Variants in MED12 observed in about 807,000 individuals in gnomAD.
MED12 encodes mediator of RNA polymerase II transcription subunit 12.
A neutral mutation model predicts 177.7 loss-of-function variants in MED12; 10 were observed. That is an observed-to-expected ratio of 0.06 (90% CI 0.03 to 0.10). The LOEUF (loss-of-function observed/expected upper bound fraction) is 0.10. Ranked by LOEUF, MED12 falls within the 10% of genes least tolerant of loss-of-function variation. The probability of loss-of-function intolerance (pLI) is 1.00; values close to 1 mark genes in which losing one functional copy is unlikely to be tolerated. For synonymous variants in MED12, 641 were observed against 678.4 expected, an observed-to-expected ratio of 0.94 and a Z score of 0.86; for missense variants, 867 against 1,780.8, an observed-to-expected ratio of 0.49 and a Z score of 9.23.
At chrX:71,138,799 G>A (rs1304683298) in intron 41 of MED12, among the ~76,000 whole-genome samples, 2 of 110,724 alleles carry the variant, frequency 1.8e-5, no homozygotes, top group African/African-American at 6.6e-5. Flanking sequence ...AATATCTGGA[G>A]TTCATAGATG....
intron 12 of MED12, 72 bp from the exon 13 acceptor site, chrX:71,124,087 G>A: frequency 1.2e-6 from 1 of 851,462 alleles, no homozygotes; most frequent in Non-Finnish European, 1.8e-6. Flanking sequence ...ATTGCCTTAG[G>A]TGTGTCCCTC....
chrX:71,131,530 G>T lies in MED12; in HGVS notation c.4048-20G>T, dbSNP rs1207596143. On this transcript the variant is annotated intron_variant, in intron 28 of 44. Transcript: ENST00000374080. ...GGTAACACGATGATGACTAGCCTGGGTGTGGGGCCTCTATCACAGAACTTG... is the reference window on the plus strand; with the variant it reads ...GGTAACACGATGATGACTAGCCTGGTTGTGGGGCCTCTATCACAGAACTTG... 1 of 1,207,274 alleles carries T rather than the reference G, an allele frequency of 8.3e-7. No individual in the cohort carries two copies.
At chrX:71,139,031 G>A (rs745810888) in intron 41 of MED12, among the ~76,000 whole-genome samples, 2 of 111,487 alleles carry the variant, frequency 1.8e-5, no homozygotes, top group Non-Finnish European at 3.8e-5. Context: ...ACTGGGTGAG[G>A]TGAAGAAAGA....
chrX:71,137,103 C>G, intron 38 of MED12, 74 bp downstream of exon 38: 1 of 1,187,570 alleles, frequency 8.4e-7, no homozygotes, highest in Non-Finnish European at 1.1e-6. Context: ...GATGCCATTC[C>G]CCTGAGGAGC....
rs749078484 is a variant in MED12, at chrX:71,120,947, GC to G, written c.554-21del. Reference sequence around the variant, plus strand: ...CTAAGCAGAAGGATAGTATCAAATAGCCCTTTTTCCCTCTTTCCTCCAGAAT... The same window carrying G: ...CTAAGCAGAAGGATAGTATCAAATAGCCTTTTTCCCTCTTTCCTCCAGAAT... On this transcript the variant is annotated intron_variant, in intron 4 of 44. Coordinates refer to ENST00000374080, the MANE Select transcript of MED12 (RefSeq NM_005120.3). 5.8e-6 allele frequency: 7 copies of G among 1,208,210 alleles called. No homozygotes were observed. The South Asian group carries it at 1.2e-4, about 21-fold the overall frequency.
intron 18 of MED12, 61 bp downstream of exon 18, chrX:71,126,215 T>C: frequency 8.7e-7 from 1 of 1,154,637 alleles, no homozygotes; most frequent in Non-Finnish European, 1.2e-6. Flanking sequence ...TTTCCTTTTC[T>C]TCCCTATCTT....
Position 71,137,642 on chromosome X carries a change from G to C in MED12, c.5826+7G>C, listed in dbSNP as rs374573886. On this transcript the variant is annotated splice_region_variant and intron_variant, in intron 40 of 44. Transcript: ENST00000374080. ...CGGTTTGCAGACTTCCCAGGTAAGA[G>C]CCTGGGATTGTGAGACTAGGGGGAT... 4.2e-6 allele frequency: 5 copies of C among 1,202,778 alleles called. No individual in the cohort carries two copies. The African/African-American group carries it at 7.0e-5, about 17-fold the overall frequency.
chrX:71,126,616 G>C (rs953969056), intron 19 of MED12, 132 bp downstream of exon 19: 5 of 818,127 alleles, frequency 6.1e-6, no homozygotes, highest in Non-Finnish European at 9.0e-6. Flanking sequence ...AGACTAGCAT[G>C]GGGGGAGTGG....
At chrX:71,127,834 T>C in intron 21 of MED12, 59 bp from the exon 22 acceptor site, 1 of 880,233 alleles carries the variant, frequency 1.1e-6, no homozygotes, top group South Asian at 2.1e-5. Flanking sequence ...TTCCTGACCA[T>C]CCCTCGACCT....
chrX:71,134,252 C>T (rs200721936), intron 33 of MED12, 105 bp from the exon 34 acceptor site: 3 of 275,522 alleles, frequency 1.1e-5, no homozygotes, highest in African/African-American at 6.3e-5. Context: ...AAAAAAAAAA[C>T]TCAAGCATGA....
chrX:71,139,341 T>C (rs1304150719), intron 41 of MED12, among the ~76,000 whole-genome samples: 1 of 110,349 alleles, frequency 9.1e-6, no homozygotes, highest in Non-Finnish European at 1.9e-5. Flanking sequence ...AGGTAGAGGA[T>C]GTAACGTGAA....
chrX:71,125,065 G>A lies in MED12; in HGVS notation c.2145G>A (p.Lys715=), dbSNP rs1324434382. 2 of 1,208,593 alleles carry A rather than the reference G, an allele frequency of 1.7e-6. No individual in the cohort carries two copies. The highest frequency in any genetic ancestry group is 4.4e-5 in the Admixed American group (2 of 45,543). Residue 715 remains lysine (K), a synonymous_variant, in exon 15 of 45, where the codon AAG becomes AAA. Coordinates refer to ENST00000374080, the MANE Select transcript of MED12 (RefSeq NM_005120.3). The part of the protein sequence containing the change: ...DVEKEVKPPP[K]EKIEGTLGVL... Reference sequence around the variant, plus strand: ...AGAAGGAGGTGAAGCCCCCACCCAAGGAGAAGATTGAAGGGACCCTTGGGG... The same window carrying A: ...AGAAGGAGGTGAAGCCCCCACCCAAAGAGAAGATTGAAGGGACCCTTGGGG...
rs1569480971 is a variant in MED12 at position 71,121,144 on chromosome X, A to C, written c.727A>C (p.Met243Leu). ...WDYTEKLAMF[M>L]FQDGMLDRHE... is the part of the protein sequence containing the mutation. ...TTACACCGAGAAGCTGGCCATGTTC[A>C]TGTTTCAGGTAGAGAGTAGGGCATG... The change falls in exon 5 of 45, where the codon ATG becomes CTG. Residue 243 changes from methionine to leucine, a missense_variant. By Grantham distance (15) the Met-to-Leu change is conservative. Coordinates refer to ENST00000374080, the MANE Select transcript of MED12 (RefSeq NM_005120.3). The C allele has an allele frequency of 5.0e-6, 6 of 1,208,407 alleles. No individual in the cohort carries two copies. The highest frequency in any genetic ancestry group is 6.7e-6 in the Non-Finnish European group (6 of 894,845).
chrX:71,122,300 C>T lies in MED12; in HGVS notation c.1202C>T (p.Pro401Leu), dbSNP rs2147782032. 1.7e-6 allele frequency: 2 copies of T among 1,211,803 alleles called. No individual in the cohort carries two copies. Among genetic ancestry groups the T allele is most frequent in the Non-Finnish European group, 1.1e-6 (1 of 895,385 alleles). ...CCACTTGACCACTTGCCTATTGCCC[C>T]GTCCAACCTGCCCATGCCAGAGGGT... The part of the protein sequence containing the change: ...GSPLDHLPIA[P>L]SNLPMPEGNS... Residue 401 changes from proline (P) to leucine (L), a missense_variant, in exon 8 of 45, where the codon CCG (proline) becomes CTG (leucine). By Grantham distance (98) the Pro-to-Leu change is moderately conservative. Coordinates refer to ENST00000374080, the MANE Select transcript of MED12 (RefSeq NM_005120.3).
Position 71,128,693 on chromosome X carries a change from T to C in MED12, c.3450T>C (p.Ala1150=). The change falls in exon 24 of 45, where the codon GCT becomes GCC. Residue 1150 remains alanine, a synonymous_variant. Coordinates refer to ENST00000374080, the MANE Select transcript of MED12 (RefSeq NM_005120.3). ...TCCTGGAAGATCTGATTCGCTGTGC[T>C]GCCATCCCTTCACTCCTTAATGCTG... is the stretch of plus-strand genomic sequence containing the variant. The part of the protein sequence containing the change: ...CLLLEDLIRC[A]AIPSLLNAAC... 8.3e-7 allele frequency: 1 copy of C among 1,210,078 alleles called. No individual in the cohort carries two copies. Among genetic ancestry groups the C allele is most frequent in the South Asian group, 1.8e-5 (1 of 56,977 alleles).
Position 71,118,641 on chromosome X carries a change from C to T in MED12, c.-114C>T, listed in dbSNP as rs1020139676. ...AGTTTCTAACGTGCCCCCTTGTTGT[C>T]TCTCGGCCGCCGTCCTCTCAACCAC... is the stretch of plus-strand genomic sequence containing the variant. On this transcript the variant is annotated 5_prime_UTR_variant, in exon 1 of 45. Coordinates refer to ENST00000374080, the MANE Select transcript of MED12 (RefSeq NM_005120.3). The T allele has an allele frequency of 1.5e-6, 1 of 647,716 alleles. No individual in the cohort carries two copies. Among genetic ancestry groups the T allele is most frequent in the Non-Finnish European group, 2.5e-6 (1 of 402,528 alleles). The allele number at this position is 647,716 out of a possible 1,213,427, so 53.4% of individuals were successfully genotyped here.
chrX:71,127,221 G>A, intron 20 of MED12, 89 bp downstream of exon 20: 1 of 1,154,400 alleles, frequency 8.7e-7, no homozygotes, highest in Non-Finnish European at 1.2e-6. Context: ...CTCACACTCT[G>A]GGGAAGCACC....
Position 71,124,167 on chromosome X carries a change from C to G in MED12, c.1753C>G (p.Arg585Gly), listed in dbSNP as rs2092296948. ...TCATTCCCTTCCTCCAGCGGACCCTCGAAGTGAGAGTGAGCGGGTGGAATT... is the reference window on the plus strand; with the variant it reads ...TCATTCCCTTCCTCCAGCGGACCCTGGAAGTGAGAGTGAGCGGGTGGAATT... ...DTQAPMLTDPRSESERVEFFN... is the reference protein window; with the variant it reads ...DTQAPMLTDPGSESERVEFFN... Residue 585 changes from arginine to glycine, a missense_variant, in exon 13 of 45, where the codon CGA becomes GGA. By Grantham distance (125) the Arg-to-Gly change is moderately radical. Coordinates refer to ENST00000374080, the MANE Select transcript of MED12 (RefSeq NM_005120.3). The G allele has an allele frequency of 1.7e-6, 2 of 1,207,941 alleles. No homozygotes were observed. The highest frequency in any genetic ancestry group is 1.8e-5 in the African/African-American group (1 of 57,040).
rs62609584 is a variant in MED12 at position 71,120,472 on chromosome X, C to G, written c.553+302C>G. Among the ~76,000 whole-genome samples the G allele has an allele frequency of 0.22, 24,349 of 109,386 alleles. 2,621 individuals carry two copies. Among genetic ancestry groups the G allele is most frequent in the Middle Eastern group, 0.47 (97 of 206 alleles). 95.0% of individuals were successfully genotyped at this position (109,386 alleles called of 115,157 possible). On this transcript the variant is annotated intron_variant, in intron 4 of 44. Coordinates refer to ENST00000374080, the MANE Select transcript of MED12 (RefSeq NM_005120.3). ...AATGTCAAGCTAGGAGCAGAAGGTT[C>G]TTTGAGTGGACAAAAGATTACTTTC... is the stretch of plus-strand genomic sequence containing the variant.
Sources: allele counts gnomAD v4.1 joint callset (sites outside exome capture counted in the v4.1 genomes callset), GRCh38; gene constraint gnomAD v4.1.1; transcripts MANE v1.5; gene names NCBI Gene and HGNC (gene_info 2026-07-23, HGNC 2026-07-21).